POT1: variants seen among roughly 807,000 people sequenced by gnomAD.
POT1 encodes the protein protection of telomeres protein 1.
Under a neutral mutation model 78.5 loss-of-function variants are expected in POT1, and 47 were observed. The observed-to-expected ratio is 0.60, with a 90% CI of 0.47 to 0.76. The LOEUF is 0.76. Among genes scored for constraint, POT1 ranks in the 30% least tolerant of loss-of-function variants. The pLI is 0.00. For missense variants in POT1, 646 were observed against 749.9 expected (o/e 0.86, Z 1.62); for synonymous variants, 259 against 260.7 (o/e 0.99, Z 0.06).
intron 11 of POT1, among the ~76,000 whole-genome samples, chr7:124,847,373 A>G (rs1393099022): frequency 4.6e-5 from 7 of 152,202 alleles, no homozygotes; most frequent in Non-Finnish European, 1.0e-4. Flanking sequence ...AGATGCCTGT[A>G]ATCCCAGCTA....
chr7:124,835,082 A>G (rs1324160382), intron 15 of POT1, among the ~76,000 whole-genome samples, 197 bp downstream of exon 15: 3 of 152,050 alleles, frequency 2.0e-5, no homozygotes, highest in African/African-American at 7.2e-5. Flanking sequence ...ATCACACACC[A>G]GGGCCTGTCA....
chr7:124,906,441 A>G (rs1388291520), intron 3 of POT1, among the ~76,000 whole-genome samples: 1 of 142,094 alleles, frequency 7.0e-6, no homozygotes, highest in Non-Finnish European at 1.5e-5. Context: ...CTGAACAATG[A>G]GAACACTTGG....
At chr7:124,856,326 T>G (rs565691908) in intron 9 of POT1, among the ~76,000 whole-genome samples, 1 of 152,310 alleles carries the variant, frequency 6.6e-6, no homozygotes, top group African/African-American at 2.4e-5. Context: ...GTGATGTCAA[T>G]GTGTATTAAA....
rs1389899627 is a variant in POT1 at position 124,836,857 on chromosome 7, T to G, written c.1370-1443A>C. On this transcript the variant is annotated intron_variant, in intron 14 of 18. Transcript: ENST00000357628. ...TGATTTCCTCTTAATGTAAAGTCCA[T>G]GAAAGGAAGAACTTTGTTGTGTTTG... is the stretch of plus-strand genomic sequence containing the variant. Among the ~76,000 whole-genome samples the G allele has an allele frequency of 2.6e-5, 4 of 152,354 alleles. No homozygotes were observed. The East Asian group carries it at 5.8e-4, about 22-fold the overall frequency.
intron 12 of POT1, among the ~76,000 whole-genome samples, chr7:124,845,485 A>G (rs2116477250): frequency 1.3e-5 from 2 of 152,340 alleles, no homozygotes; most frequent in Non-Finnish European, 2.9e-5. Flanking sequence ...CATCACATCA[A>G]GGGGCATACA....
intron 6 of POT1, 84 bp downstream of exon 6, chr7:124,892,182 A>G: frequency 1.3e-6 from 1 of 795,440 alleles, no homozygotes. Context: ...CTTCTATTCT[A>G]GGACTTAGGG....
At chr7:124,887,649 C>T (rs1181930839) in intron 6 of POT1, among the ~76,000 whole-genome samples, 2 of 152,080 alleles carry the variant, frequency 1.3e-5, no homozygotes, top group Admixed American at 6.6e-5. Flanking sequence ...CAACAACATC[C>T]ATGTTTCACT....
chr7:124,876,062 T>C (rs1795982984), intron 6 of POT1, among the ~76,000 whole-genome samples: 1 of 152,216 alleles, frequency 6.6e-6, no homozygotes, highest in Non-Finnish European at 1.5e-5. Flanking sequence ...GCTTTGTAAT[T>C]ATGGAGCAAA....
Position 124,851,871 on chromosome 7 carries a change from C to A in POT1, c.949+1G>T. On this transcript the variant is annotated splice_donor_variant, in intron 11 of 18. Coordinates refer to ENST00000357628, the MANE Select transcript of POT1 (RefSeq NM_015450.3). LOFTEE classifies it high-confidence loss of function. ...CTGTCAATGTTAAAGATTATCCTTACTTGGAAAGCTGTCGTCAGGTTCTGA... is the reference window on the plus strand; with the variant it reads ...CTGTCAATGTTAAAGATTATCCTTAATTGGAAAGCTGTCGTCAGGTTCTGA... The A allele has an allele frequency of 1.3e-6, 2 of 1,594,290 alleles. No homozygotes were observed. The highest frequency in any genetic ancestry group is 8.6e-7 in the Non-Finnish European group (1 of 1,162,450).
intron 7 of POT1, among the ~76,000 whole-genome samples, chr7:124,867,193 C>G (rs958871967): frequency 6.6e-6 from 1 of 152,212 alleles, no homozygotes; most frequent in African/African-American, 2.4e-5. Context: ...TCCACCACCA[C>G]TGTAGTCTAA....
chr7:124,859,901 A>T (rs1192757272), intron 8 of POT1, among the ~76,000 whole-genome samples: 2 of 151,906 alleles, frequency 1.3e-5, no homozygotes, highest in Admixed American at 1.3e-4. Context: ...TCAGATCAAC[A>T]AATTTATTAA....
intron 8 of POT1, among the ~76,000 whole-genome samples, chr7:124,859,722 TAA>T (rs56197887): frequency 2.4e-4 from 33 of 139,464 alleles, no homozygotes; most frequent in Non-Finnish European, 4.2e-4. Flanking sequence ...GTTATTTATA[TAA>T]AAAAAAAAAA....
At chr7:124,883,605 TCAGGTAAGTGAATATGAACATATCA>T (rs1796174135) in intron 6 of POT1, among the ~76,000 whole-genome samples, 1 of 152,018 alleles carries the variant, frequency 6.6e-6, no homozygotes, top group South Asian at 2.1e-4. Flanking sequence ...ATCTAAATAT[TCAGGTAAGTGAATATGAACATATCA>T]CAGGTCATGA....
intron 14 of POT1, among the ~76,000 whole-genome samples, chr7:124,836,703 T>G (rs1794907875): frequency 6.6e-6 from 1 of 152,218 alleles, no homozygotes. Context: ...ACTTAAACTC[T>G]GGTATAACAG....
intron 18 of POT1, 21 bp from the exon 19 acceptor site, chr7:124,824,095 A>C: frequency 6.8e-7 from 1 of 1,472,312 alleles, no homozygotes; most frequent in Non-Finnish European, 9.4e-7. Context: ...AAAAACAAAA[A>C]AAGCGATTTA....
Position 124,872,048 on chromosome 7 carries a change from C to G in POT1, c.125-1007G>C, listed in dbSNP as rs146934252. Among the ~76,000 whole-genome samples the G allele has an allele frequency of 2.0e-3, 300 of 152,236 alleles. 1 individual carries two copies. Among genetic ancestry groups the G allele is most frequent in the Non-Finnish European group, 3.7e-3 (254 of 67,986 alleles). Reference sequence around the variant, plus strand: ...TTCCCATAACCACACAGACCCCTGGCAACAACCATTCTACTCTCTACTTCT... The same window carrying G: ...TTCCCATAACCACACAGACCCCTGGGAACAACCATTCTACTCTCTACTTCT... On this transcript the variant is annotated intron_variant, in intron 6 of 18. Coordinates refer to ENST00000357628, the MANE Select transcript of POT1 (RefSeq NM_015450.3).
intron 3 of POT1, among the ~76,000 whole-genome samples, chr7:124,909,620 A>G (rs1007521570): frequency 1.3e-5 from 2 of 151,810 alleles, no homozygotes; most frequent in African/African-American, 4.8e-5. Flanking sequence ...AAAGCAAGAA[A>G]CCTTGACTTA....
chr7:124,863,116 ATATT>A (rs1237141733), intron 8 of POT1, among the ~76,000 whole-genome samples: 3 of 152,178 alleles, frequency 2.0e-5, no homozygotes, highest in Admixed American at 6.6e-5. Context: ...CAGTCATACT[ATATT>A]TAACATGTAG....
chr7:124,886,527 C>T (rs1296352828), intron 6 of POT1, among the ~76,000 whole-genome samples: 1 of 151,968 alleles, frequency 6.6e-6, no homozygotes, highest in East Asian at 1.9e-4. Context: ...GGCTAGTAGT[C>T]AAGACATCTT....
Sources: allele counts gnomAD v4.1 joint callset (sites outside exome capture counted in the v4.1 genomes callset), GRCh38; gene constraint gnomAD v4.1.1; transcripts MANE v1.5; gene names NCBI Gene and HGNC (gene_info 2026-07-23, HGNC 2026-07-21).